Variants in SDK1 observed in about 807,000 individuals in gnomAD.
SDK1 encodes the protein protein sidekick-1.
A neutral mutation model predicts 245.5 loss-of-function variants in SDK1; 157 were observed. The observed-to-expected ratio is 0.64, with a 90% CI of 0.56 to 0.73. The LOEUF is 0.73. Among genes scored for constraint, SDK1 ranks in the 30% least tolerant of loss-of-function variants. SDK1 has a pLI of 0.00. For missense variants in SDK1, 3,583 were observed against 3,002.3 expected (o/e 1.19, Z -4.52); for synonymous variants, 1,647 against 1,278.5 (o/e 1.29, Z -6.15).
intron 1 of SDK1, among the ~76,000 whole-genome samples, chr7:3,486,844 T>A (rs532700024): frequency 6.6e-6 from 1 of 152,316 alleles, no homozygotes; most frequent in Non-Finnish European, 1.5e-5. Flanking sequence ...TTCCACATGT[T>A]TGATAAGAGG....
intron 38 of SDK1, among the ~76,000 whole-genome samples, chr7:4,216,732 G>C (rs1441174610): frequency 1.3e-5 from 2 of 152,180 alleles, no homozygotes; most frequent in Non-Finnish European, 2.9e-5. Context: ...TCCTCACCCA[G>C]AACCAGGTCT....
At chr7:4,164,397 C>T (rs997440314) in intron 32 of SDK1, among the ~76,000 whole-genome samples, 3 of 152,074 alleles carry the variant, frequency 2.0e-5, no homozygotes, top group Non-Finnish European at 2.9e-5. Context: ...CTTTGGGGGC[C>T]GCTAGACCCC....
At chr7:3,357,324 T>C (rs528103778) in intron 1 of SDK1, among the ~76,000 whole-genome samples, 42 of 122,366 alleles carry the variant, frequency 3.4e-4, no homozygotes, top group Non-Finnish European at 6.4e-4. Context: ...CCCCTTCTTT[T>C]AGTGTTTTTT....
chr7:3,746,720 C>G (rs916775669), intron 4 of SDK1, among the ~76,000 whole-genome samples: 1 of 152,200 alleles, frequency 6.6e-6, no homozygotes, highest in African/African-American at 2.4e-5. Context: ...GTCATGTCTT[C>G]AGACTCCACT....
At chr7:3,771,410 G>C (rs932450687) in intron 4 of SDK1, among the ~76,000 whole-genome samples, 1 of 152,182 alleles carries the variant, frequency 6.6e-6, no homozygotes, top group African/African-American at 2.4e-5. Context: ...ATATTGCAAA[G>C]AGCAGAGGTA....
chr7:3,531,114 G>A (rs1326660421), intron 1 of SDK1, among the ~76,000 whole-genome samples: 2 of 152,222 alleles, frequency 1.3e-5, no homozygotes, highest in East Asian at 3.9e-4. Context: ...TATGAACTCT[G>A]CTTTGAATTT....
intron 1 of SDK1, among the ~76,000 whole-genome samples, chr7:3,539,297 G>C (rs573026406): frequency 1.3e-5 from 2 of 152,060 alleles, no homozygotes; most frequent in African/African-American, 2.4e-5. Flanking sequence ...ACTAGATAGA[G>C]AGAGTTGGTG....
chr7:3,505,963 A>G (rs1434524400), intron 1 of SDK1, among the ~76,000 whole-genome samples: 1 of 152,158 alleles, frequency 6.6e-6, no homozygotes. Flanking sequence ...TATGTTTGTT[A>G]TAAGCTCTAC....
chr7:3,466,012 G>GA (rs528506550), intron 1 of SDK1, among the ~76,000 whole-genome samples: 147 of 152,180 alleles, frequency 9.7e-4, no homozygotes, highest in African/African-American at 3.3e-3. Context: ...GGAACCCTTT[G>GA]AATGGTGCTT....
At chr7:3,425,722 A>C (rs878913556) in intron 1 of SDK1, among the ~76,000 whole-genome samples, 1 of 152,220 alleles carries the variant, frequency 6.6e-6, no homozygotes, top group Admixed American at 6.5e-5. Context: ...AGGGAAGATA[A>C]GTAGAAAAAG....
chr7:4,017,270 G>T lies in SDK1; in HGVS notation c.2520G>T (p.Gln840His), dbSNP rs1786484180. The T allele has an allele frequency of 1.9e-6, 3 of 1,614,130 alleles. No homozygotes were observed. The highest frequency in any genetic ancestry group is 1.7e-4 in the Middle Eastern group (1 of 6,060). ...CLVTDLIIWT[Q>H]YEIQVAAYNG... ...TGACAGACCTGATCATCTGGACACA[G>T]TATGAGATACAGGTGGCGGCGTACA... The change falls in exon 17 of 45, where the codon CAG (glutamine) becomes CAT (histidine). Residue 840 changes from glutamine to histidine, a missense_variant. Coordinates refer to ENST00000404826, the MANE Select transcript of SDK1 (RefSeq NM_152744.4).
At chr7:3,900,869 C>G (rs1201508970) in intron 5 of SDK1, among the ~76,000 whole-genome samples, 1 of 152,110 alleles carries the variant, frequency 6.6e-6, no homozygotes, top group Non-Finnish European at 1.5e-5. Context: ...AAAATCATTG[C>G]TCTTGAAAAT....
rs377447086 is a variant in SDK1 at position 3,813,402 on chromosome 7, A to T, written c.714-8048A>T. Among the ~76,000 whole-genome samples the T allele has an allele frequency of 4.9e-5, 7 of 143,776 alleles. No individual in the cohort carries two copies. The South Asian group carries it at 1.6e-3, about 33-fold the overall frequency. The allele number at this position is 143,776 out of a possible 152,430, so 94.3% of individuals were successfully genotyped here. On this transcript the variant is annotated intron_variant, in intron 4 of 44. Coordinates refer to ENST00000404826, the MANE Select transcript of SDK1 (RefSeq NM_152744.4). ...TTGCGATAGTTTACTGAGAATGATGATTTCCAATTTCATCCATGTCCCTAC... is the reference window on the plus strand; with the variant it reads ...TTGCGATAGTTTACTGAGAATGATGTTTTCCAATTTCATCCATGTCCCTAC...
At chr7:3,395,720 G>C (rs551546966) in intron 1 of SDK1, among the ~76,000 whole-genome samples, 7 of 151,788 alleles carry the variant, frequency 4.6e-5, no homozygotes, top group African/African-American at 1.4e-4. Context: ...AGTCAGTTTT[G>C]GTCATTCGTG....
At chr7:3,440,123 C>T (rs1450115015) in intron 1 of SDK1, among the ~76,000 whole-genome samples, 1 of 152,264 alleles carries the variant, frequency 6.6e-6, no homozygotes, top group African/African-American at 2.4e-5. Context: ...GTAAATAATT[C>T]ATCAGTTTTA....
intron 4 of SDK1, among the ~76,000 whole-genome samples, chr7:3,753,647 T>C (rs947599481): frequency 1.3e-5 from 2 of 152,172 alleles, no homozygotes; most frequent in Non-Finnish European, 2.9e-5. Context: ...CCGACAATTC[T>C]GTAAACCTGT....
chr7:3,994,495 A>G (rs141408145), intron 14 of SDK1, among the ~76,000 whole-genome samples: 2,575 of 152,104 alleles, frequency 0.017, 54 homozygotes, highest in African/African-American at 0.051. Flanking sequence ...TTAAAAAATT[A>G]GCCAGGTGTG....
rs35037283 is a variant in SDK1, at chr7:3,595,828, CAAAAAAAAAAAAAA to C, written c.299-23237_299-23224del. ...GGTCGACAGAGTTAAGACTTCATCT[CAAAAAAAAAAAAAA>C]AAAAAAAAAAAAAACAACAACAAAA... On this transcript the variant is annotated intron_variant, in intron 1 of 44. Transcript: ENST00000404826. Among the ~76,000 whole-genome samples, 13 of 54,034 alleles carry C rather than the reference CAAAAAAAAAAAAAA, an allele frequency of 2.4e-4. No individual in the cohort carries two copies. The Admixed American group carries it at 2.9e-3, about 12-fold the overall frequency. 35.4% of individuals were successfully genotyped at this position (54,034 alleles called of 152,430 possible).
chr7:4,074,916 AT>A (rs55899344), intron 20 of SDK1, among the ~76,000 whole-genome samples: 1,245 of 64,450 alleles, frequency 0.019, 26 homozygotes, highest in African/African-American at 0.035. Flanking sequence ...ATATATATAT[AT>A]TTTTTTTTTT....
Sources: gnomAD v4.1 joint callset for allele counts (sites outside exome capture counted in the v4.1 genomes callset) on GRCh38, gnomAD v4.1.1 for gene constraint, MANE v1.5 for transcripts, NCBI Gene and HGNC (gene_info 2026-07-23, HGNC 2026-07-21) for gene names.